AIG1: variants seen among roughly 807,000 people sequenced by gnomAD.
AIG1 encodes androgen-induced gene 1 protein.
AIG1 carries 23 observed loss-of-function variants against 31.4 expected under a neutral mutation model. That is an observed-to-expected ratio of 0.73 (90% CI 0.53 to 1.04). The LOEUF (loss-of-function observed/expected upper bound fraction) is 1.04. AIG1 is among the 50% of genes least tolerant of loss of function. AIG1 has a pLI of 0.00. For missense variants in AIG1, 274 were observed against 295.0 expected, an observed-to-expected ratio of 0.93 and a Z score of 0.52; for synonymous variants, 100 against 110.5, an observed-to-expected ratio of 0.90 and a Z score of 0.60.
At chr6:143,235,440 G>A (rs1343796455) in intron 3 of AIG1, among the ~76,000 whole-genome samples, 1 of 152,208 alleles carries the variant, frequency 6.6e-6, no homozygotes, top group Non-Finnish European at 1.5e-5. Context: ...GGGAAGGTAT[G>A]TGGGAAATGT....
At chr6:143,085,936 A>G (rs9399419) in intron 1 of AIG1, among the ~76,000 whole-genome samples, 33,835 of 152,120 alleles carry the variant, frequency 0.22, 7,633 homozygotes, top group African/African-American at 0.56. Context: ...ATTTTCAGTG[A>G]TTAATGTTAA....
chr6:143,312,952 AG>A (rs796567805), intron 4 of AIG1, among the ~76,000 whole-genome samples: 3 of 152,310 alleles, frequency 2.0e-5, no homozygotes, highest in African/African-American at 7.2e-5. Context: ...GTATAGGAAA[AG>A]GTGCTCAACA....
intron 2 of AIG1, among the ~76,000 whole-genome samples, chr6:143,145,464 C>A (rs1784623194): frequency 1.3e-5 from 2 of 152,296 alleles, no homozygotes; most frequent in Admixed American, 6.5e-5. Flanking sequence ...CAACCATGTT[C>A]AAGGACAGAA....
At chr6:143,187,649 T>C (rs1217686485) in intron 3 of AIG1, 1 of 1,536,128 alleles carries the variant, frequency 6.5e-7, no homozygotes. Flanking sequence ...CTTAAAGTTT[T>C]CTTGGCACGC....
intron 3 of AIG1, among the ~76,000 whole-genome samples, chr6:143,281,929 C>T (rs1414948825): frequency 1.3e-5 from 2 of 152,200 alleles, no homozygotes; most frequent in Admixed American, 6.5e-5. Flanking sequence ...GTGGTGATGA[C>T]ACCAATGATG....
intron 1 of AIG1, among the ~76,000 whole-genome samples, chr6:143,118,719 C>A (rs1326225880): frequency 1.3e-5 from 2 of 152,208 alleles, no homozygotes; most frequent in East Asian, 3.9e-4. Flanking sequence ...TTTATGTTGC[C>A]TTATGACTGA....
intron 1 of AIG1, among the ~76,000 whole-genome samples, chr6:143,125,238 G>A (rs1387500274): frequency 6.6e-6 from 1 of 152,002 alleles, no homozygotes; most frequent in Non-Finnish European, 1.5e-5. Context: ...TTTTCCCCCA[G>A]TAATTGCTTA....
At chr6:143,317,521 A>G (rs1376994915) in intron 4 of AIG1, among the ~76,000 whole-genome samples, 1 of 152,212 alleles carries the variant, frequency 6.6e-6, no homozygotes, top group African/African-American at 2.4e-5. Flanking sequence ...TAATAAAGCC[A>G]TCTACGACAA....
downstream of AIG1, among the ~76,000 whole-genome samples, chr6:143,343,859 T>C (rs1777904574): frequency 6.6e-6 from 1 of 152,204 alleles, no homozygotes; most frequent in East Asian, 1.9e-4. Context: ...TTGTTTTTAA[T>C]AAATAAACAA....
At chr6:143,186,163 T>C (rs1300927529) in intron 3 of AIG1, among the ~76,000 whole-genome samples, 1 of 152,202 alleles carries the variant, frequency 6.6e-6, no homozygotes. Flanking sequence ...GTACCTGCCC[T>C]CTCTGTACCT....
intron 3 of AIG1, among the ~76,000 whole-genome samples, chr6:143,212,823 A>G (rs1791693768): frequency 6.6e-6 from 1 of 152,168 alleles, no homozygotes; most frequent in Admixed American, 6.5e-5. Flanking sequence ...TGGGCTGACA[A>G]ACAGAAAGCA....
intron 2 of AIG1, among the ~76,000 whole-genome samples, chr6:143,161,600 T>C (rs1342205472): frequency 1.3e-5 from 2 of 151,260 alleles, no homozygotes; most frequent in African/African-American, 4.9e-5. Context: ...TTATCATATA[T>C]GATGACCAGG....
At chr6:143,159,692 G>A (rs1464570925) in intron 2 of AIG1, among the ~76,000 whole-genome samples, 1 of 152,170 alleles carries the variant, frequency 6.6e-6, no homozygotes, top group African/African-American at 2.4e-5. Flanking sequence ...TTGAGGATAT[G>A]GTTGAGGAAA....
chr6:143,134,249 T>C lies in AIG1; in HGVS notation c.142-2586T>C, dbSNP rs184393139. ...GCAGATAATATTTCCTCCAATCTTA[T>C]CCTTCTCTCTCTAGAGGTACCTTAA... is the stretch of plus-strand genomic sequence containing the variant. On this transcript the variant is annotated intron_variant, in intron 1 of 5. Transcript: ENST00000357847. Among the ~76,000 whole-genome samples, 5 of 152,126 alleles carry C rather than the reference T, an allele frequency of 3.3e-5. No individual in the cohort carries two copies. In the East Asian group the frequency reaches 7.7e-4, roughly 23 times the overall value.
intron 2 of AIG1, among the ~76,000 whole-genome samples, chr6:143,150,912 A>C (rs1000522478): frequency 6.6e-6 from 1 of 152,202 alleles, no homozygotes; most frequent in African/African-American, 2.4e-5. Flanking sequence ...GTTTTTCAAC[A>C]ACAAAAATAT....
intron 3 of AIG1, among the ~76,000 whole-genome samples, chr6:143,250,071 G>T (rs774730325): frequency 6.6e-6 from 1 of 152,236 alleles, no homozygotes; most frequent in African/African-American, 2.4e-5. Flanking sequence ...ATGGTGGCCT[G>T]CCCGGAGCAA....
At chr6:143,059,835 T>A (rs1002081757), upstream of AIG1, among the ~76,000 whole-genome samples, 1 of 152,246 alleles carries the variant, frequency 6.6e-6, no homozygotes, top group Non-Finnish European at 1.5e-5. Flanking sequence ...AATCCGAACC[T>A]GCAACTGGTT....
chr6:143,189,525 T>C (rs1213823670), intron 3 of AIG1: 4 of 985,340 alleles, frequency 4.1e-6, no homozygotes, highest in African/African-American at 3.5e-5. Context: ...TGCTAAGTTA[T>C]TTGCTTATGA....
chr6:143,228,071 A>G (rs1209453168), intron 3 of AIG1, among the ~76,000 whole-genome samples: 1 of 152,190 alleles, frequency 6.6e-6, no homozygotes, highest in African/African-American at 2.4e-5. Flanking sequence ...CTGAACTGCA[A>G]AGTGGCAGTA....
Sources: allele counts gnomAD v4.1 joint callset (sites outside exome capture counted in the v4.1 genomes callset), GRCh38; gene constraint gnomAD v4.1.1; transcripts MANE v1.5; gene names NCBI Gene and HGNC (gene_info 2026-07-23, HGNC 2026-07-21).